CNTNAP2: variants seen among roughly 807,000 people sequenced by gnomAD.
The protein encoded by CNTNAP2 is contactin associated protein 2.
Under a neutral mutation model 155.2 loss-of-function variants are expected in CNTNAP2, and 98 were observed. That is an observed-to-expected ratio of 0.63 (90% CI 0.54 to 0.75). CNTNAP2 has a LOEUF of 0.75. Ranked by LOEUF, CNTNAP2 falls within the 30% of genes least tolerant of loss-of-function variation. The pLI, the probability that CNTNAP2 is intolerant of heterozygous loss-of-function variation, is 0.00. For synonymous variants in CNTNAP2, 651 were observed against 631.2 expected, an observed-to-expected ratio of 1.03 and a Z score of -0.47; for missense variants, 1,727 against 1,688.1, an observed-to-expected ratio of 1.02 and a Z score of -0.40.
At chr7:146,344,003 C>T (rs1255514303) in intron 1 of CNTNAP2, among the ~76,000 whole-genome samples, 3 of 151,418 alleles carry the variant, frequency 2.0e-5, no homozygotes, top group Non-Finnish European at 4.4e-5. Flanking sequence ...GGATATAACC[C>T]CTGTTTAATC....
intron 1 of CNTNAP2, among the ~76,000 whole-genome samples, chr7:146,626,595 A>G (rs190508794): frequency 3.6e-4 from 55 of 152,320 alleles, no homozygotes; most frequent in Non-Finnish European, 7.1e-4. Context: ...AATACAGAAT[A>G]TCATTGATAA....
In CNTNAP2 at chr7:148,210,461, G is replaced by A. The variant is rs781256570; in HGVS notation, c.3011-6827G>A. The stretch of plus-strand genomic sequence containing the variant: ...TCCTGTTTAAGACCCTAGTAGAGTT[G>A]TTCAGTGGTGCTGCTCTTAAATTCC... On this transcript the variant is annotated intron_variant, in intron 18 of 23. Transcript: ENST00000361727. Among the ~76,000 whole-genome samples, 4 of 152,168 alleles carry A rather than the reference G, an allele frequency of 2.6e-5. No individual in the cohort carries two copies. The East Asian group carries it at 5.8e-4, about 22-fold the overall frequency.
At chr7:147,944,749 G>C (rs1041511725) in intron 14 of CNTNAP2, among the ~76,000 whole-genome samples, 1 of 152,172 alleles carries the variant, frequency 6.6e-6, no homozygotes, top group Non-Finnish European at 1.5e-5. Flanking sequence ...TTGTAGGGAT[G>C]GATACACAGC....
chr7:146,440,488 C>G (rs563136816), intron 1 of CNTNAP2, among the ~76,000 whole-genome samples: 11 of 151,378 alleles, frequency 7.3e-5, no homozygotes, highest in Admixed American at 5.2e-4. Context: ...AGCAATATAG[C>G]CTGACGTTTA....
chr7:146,495,744 G>A (rs1209232927), intron 1 of CNTNAP2, among the ~76,000 whole-genome samples: 1 of 152,084 alleles, frequency 6.6e-6, no homozygotes, highest in East Asian at 1.9e-4. Flanking sequence ...ATATGCTTGT[G>A]CAGAAGTGTA....
At chr7:147,080,740 C>A (rs1800107991) in intron 4 of CNTNAP2, among the ~76,000 whole-genome samples, 1 of 148,810 alleles carries the variant, frequency 6.7e-6, no homozygotes. Context: ...TGTGTCATTT[C>A]AATCCTGAGC....
chr7:147,643,969 A>G (rs1400744849), intron 13 of CNTNAP2, among the ~76,000 whole-genome samples: 1 of 152,200 alleles, frequency 6.6e-6, no homozygotes, highest in Admixed American at 6.5e-5. Context: ...TTTTATTACT[A>G]CAAAACTTAA....
chr7:147,038,173 A>G (rs1363719184), intron 3 of CNTNAP2, among the ~76,000 whole-genome samples: 1 of 152,106 alleles, frequency 6.6e-6, no homozygotes, highest in Non-Finnish European at 1.5e-5. Flanking sequence ...AAAATATAAC[A>G]ATAAAAATAA....
intron 3 of CNTNAP2, among the ~76,000 whole-genome samples, chr7:146,946,748 A>G (rs1797184624): frequency 6.6e-6 from 1 of 152,162 alleles, no homozygotes; most frequent in African/African-American, 2.4e-5. Context: ...TGTAGCGTAA[A>G]AAGCCATGCT....
chr7:146,359,313 T>C (rs966552086), intron 1 of CNTNAP2, among the ~76,000 whole-genome samples: 1 of 152,236 alleles, frequency 6.6e-6, no homozygotes, highest in Non-Finnish European at 1.5e-5. Flanking sequence ...AAGAAATAGA[T>C]ATGAAGACAT....
At position 147,208,924 on chromosome 7, in the gene CNTNAP2, C is replaced by T. The variant is rs73740595; in HGVS notation, c.1348+76415C>T. On this transcript the variant is annotated intron_variant, in intron 8 of 23. Coordinates refer to ENST00000361727, the MANE Select transcript of CNTNAP2 (RefSeq NM_014141.6). Reference sequence around the variant, plus strand: ...GAAACTTCATTTAATGGATTAATCTCATTGCAAATTGCATAGTGCTATACA... The same window carrying T: ...GAAACTTCATTTAATGGATTAATCTTATTGCAAATTGCATAGTGCTATACA... Among the ~76,000 whole-genome samples the T allele has an allele frequency of 7.3e-3, 1,112 of 152,012 alleles. 18 individuals are homozygous for T. Among genetic ancestry groups the T allele is most frequent in the African/African-American group, 0.026 (1,061 of 41,528 alleles).
intron 8 of CNTNAP2, among the ~76,000 whole-genome samples, chr7:147,243,435 A>G (rs985213675): frequency 2.6e-5 from 4 of 152,058 alleles, no homozygotes; most frequent in African/African-American, 9.7e-5. Context: ...CTCCTCCCCC[A>G]TCATTCCCAA....
rs1212549509 is a variant in CNTNAP2, at chr7:146,663,292, AAAAAAAG to A, written c.98-110975_98-110969del. 5.2e-4 allele frequency among the ~76,000 whole-genome samples: 53 copies of A among 101,082 alleles called. 1 individual carries two copies. The highest frequency in any genetic ancestry group is 1.8e-3 in the South Asian group (4 of 2,246). 66.3% of individuals were successfully genotyped at this position (101,082 alleles called of 152,430 possible). ...AACTCCATCTCAAAAAAAAAAAAAA[AAAAAAAG>A]AAAGAAAGAAAAAGAAAGGAAAAAA... On this transcript the variant is annotated intron_variant, in intron 1 of 23. Coordinates refer to ENST00000361727, the MANE Select transcript of CNTNAP2 (RefSeq NM_014141.6).
intron 1 of CNTNAP2, among the ~76,000 whole-genome samples, chr7:146,520,081 C>T (rs1161502423): frequency 6.6e-6 from 1 of 151,324 alleles, no homozygotes; most frequent in Middle Eastern, 3.2e-3. Context: ...AATAATTAGC[C>T]TTGATACACA....
At chr7:147,729,739 T>C (rs78759472) in intron 13 of CNTNAP2, among the ~76,000 whole-genome samples, 8,402 of 152,116 alleles carry the variant, frequency 0.055, 741 homozygotes, top group African/African-American at 0.19. Context: ...TGAAGCAGGT[T>C]GTACTTCAGG....
Position 148,049,201 on chromosome 7 carries a change from GCAAAACTCCGTCT to G in CNTNAP2, c.2384-68911_2384-68899del, listed in dbSNP as rs541445534. On this transcript the variant is annotated intron_variant, in intron 15 of 23. Transcript: ENST00000361727. Reference sequence around the variant, plus strand: ...TTGCACTGCAGCCTGGGCGACAAGAGCAAAACTCCGTCTCAAAAAATAGAAAAAATAAGTGGCT... The same window carrying G: ...TTGCACTGCAGCCTGGGCGACAAGAGCAAAAAATAGAAAAAATAAGTGGCT... Among the ~76,000 whole-genome samples the G allele has an allele frequency of 5.2e-4, 79 of 152,222 alleles. 1 individual carries two copies. The highest frequency in any genetic ancestry group is 2.0e-3 in the Admixed American group (31 of 15,294).
At chr7:146,365,521 A>G (rs571017169) in intron 1 of CNTNAP2, among the ~76,000 whole-genome samples, 1 of 152,326 alleles carries the variant, frequency 6.6e-6, no homozygotes, top group East Asian at 1.9e-4. Context: ...TTCATATCTA[A>G]GTGACAAAAT....
chr7:147,131,147 T>G (rs1037790535), intron 7 of CNTNAP2, among the ~76,000 whole-genome samples: 1 of 148,852 alleles, frequency 6.7e-6, no homozygotes, highest in African/African-American at 2.5e-5. Context: ...TACATATACA[T>G]GTACCATATA....
chr7:147,044,103 A>G (rs1241096376), intron 4 of CNTNAP2, 49 bp downstream of exon 4: 1 of 1,603,888 alleles, frequency 6.2e-7, no homozygotes, highest in Admixed American at 1.7e-5. Context: ...CTTTATTTAA[A>G]TAGTAAGCTG....
Sources: gnomAD v4.1 joint callset for allele counts (sites outside exome capture counted in the v4.1 genomes callset) on GRCh38, gnomAD v4.1.1 for gene constraint, MANE v1.5 for transcripts, NCBI Gene and HGNC (gene_info 2026-07-23, HGNC 2026-07-21) for gene names.